Variants in RPS6KA2 observed in about 807,000 individuals in gnomAD.
The protein encoded by RPS6KA2 is ribosomal protein S6 kinase A2, also known as ribosomal protein S6 kinase alpha-2.
RPS6KA2 carries 42 observed loss-of-function variants against 91.8 expected under a neutral mutation model. The observed-to-expected ratio is 0.46, with a 90% confidence interval of 0.36 to 0.59. The LOEUF (loss-of-function observed/expected upper bound fraction) is 0.59. Among genes scored for constraint, RPS6KA2 ranks in the 20% least tolerant of loss-of-function variants. The pLI, the probability that RPS6KA2 is intolerant of heterozygous loss-of-function variation, is 0.00. For missense variants in RPS6KA2, 798 were observed against 978.5 expected (o/e 0.82, Z 2.46); for synonymous variants, 414 against 393.6 (o/e 1.05, Z -0.61).
At chr6:166,773,372 TTTTC>T (rs1462190053) in intron 2 of RPS6KA2, among the ~76,000 whole-genome samples, 1 of 144,590 alleles carries the variant, frequency 6.9e-6, no homozygotes, top group African/African-American at 2.9e-5. Context: ...TCCACTTTTC[TTTTC>T]TTTCTTTTCG....
At chr6:166,618,703 C>T (rs1353969241) in intron 1 of RPS6KA2, among the ~76,000 whole-genome samples, 1 of 152,228 alleles carries the variant, frequency 6.6e-6, no homozygotes, top group African/African-American at 2.4e-5. Flanking sequence ...ATCCAAGCTT[C>T]GGGAGGGTAG....
chr6:166,549,296 G>A (rs1022718000), intron 1 of RPS6KA2, among the ~76,000 whole-genome samples: 5 of 152,148 alleles, frequency 3.3e-5, no homozygotes, highest in African/African-American at 9.7e-5. Flanking sequence ...CCCAGCAAAC[G>A]TATTCCAGGG....
chr6:166,792,717 C>T (rs1286509556), intron 2 of RPS6KA2, among the ~76,000 whole-genome samples: 1 of 152,178 alleles, frequency 6.6e-6, no homozygotes, highest in Admixed American at 6.5e-5. Context: ...AATCAATAAA[C>T]ATAATCCATC....
intron 2 of RPS6KA2, among the ~76,000 whole-genome samples, chr6:166,659,879 TA>T (rs1160325535): frequency 4.6e-5 from 7 of 152,254 alleles, no homozygotes; most frequent in Middle Eastern, 3.4e-3. Context: ...TGGCTGGTTG[TA>T]AGAATCCAAG....
chr6:166,539,753 G>A (rs548736048), intron 1 of RPS6KA2, among the ~76,000 whole-genome samples: 1 of 152,204 alleles, frequency 6.6e-6, no homozygotes, highest in African/African-American at 2.4e-5. Flanking sequence ...TAGGCCATCT[G>A]CCCAAGTGCC....
intron 2 of RPS6KA2, among the ~76,000 whole-genome samples, chr6:166,778,594 C>T (rs1010247961): frequency 7.9e-5 from 12 of 152,160 alleles, no homozygotes; most frequent in African/African-American, 1.4e-4. Flanking sequence ...GGCGAAACCC[C>T]GTCTCTACTA....
intron 2 of RPS6KA2, among the ~76,000 whole-genome samples, chr6:166,744,545 A>G (rs1461667525): frequency 2.0e-5 from 3 of 152,194 alleles, no homozygotes; most frequent in Non-Finnish European, 4.4e-5. Context: ...ACTGCCTCAG[A>G]GGAGACTGCG....
At chr6:166,843,568 A>G (rs1337880418) in intron 2 of RPS6KA2, among the ~76,000 whole-genome samples, 2 of 152,222 alleles carry the variant, frequency 1.3e-5, no homozygotes, top group Non-Finnish European at 2.9e-5. Flanking sequence ...CACAGCTGAA[A>G]GACGTGAAGA....
In RPS6KA2 at chr6:166,490,294, C is replaced by T. The variant is rs1387508095; in HGVS notation, c.818+377G>A. 2.0e-5 allele frequency among the ~76,000 whole-genome samples: 3 copies of T among 152,090 alleles called. No homozygotes were observed. The highest frequency in any genetic ancestry group is 2.4e-5 in the African/African-American group (1 of 41,402). On this transcript the variant is annotated intron_variant, in intron 9 of 20. Coordinates refer to ENST00000265678, the MANE Select transcript of RPS6KA2 (RefSeq NM_021135.6). This position sits in a 1 kb window ranked among gnomAD's most constrained non-coding sequence, Gnocchi z 4.2. ...GCCCTGGAGGCCTTGTGTCTTTTTCCGTCTATCCTTTACTTCTGGGAGGTC... is the reference window on the plus strand; with the variant it reads ...GCCCTGGAGGCCTTGTGTCTTTTTCTGTCTATCCTTTACTTCTGGGAGGTC...
intron 8 of RPS6KA2, among the ~76,000 whole-genome samples, chr6:166,496,475 C>T (rs1007911005): frequency 2.9e-4 from 44 of 152,120 alleles, no homozygotes; most frequent in African/African-American, 1.0e-3. Flanking sequence ...TATCAAATCT[C>T]CCCTCCCCCT....
At chr6:166,775,092 T>C (rs16899435) in intron 2 of RPS6KA2, among the ~76,000 whole-genome samples, 3,194 of 152,308 alleles carry the variant, frequency 0.021, 86 homozygotes, top group African/African-American at 0.071. Flanking sequence ...CAACCAATTT[T>C]ACGATTTTAC....
chr6:166,483,943 G>C (rs553491681), intron 10 of RPS6KA2, among the ~76,000 whole-genome samples: 1 of 152,388 alleles, frequency 6.6e-6, no homozygotes, highest in Admixed American at 6.5e-5. Context: ...GACTGTGCAA[G>C]TCACTAGCAG....
In RPS6KA2 at chr6:166,587,147, TAAGG is replaced by T. The variant is rs540554899; in HGVS notation, c.99+39770_99+39773del. 9.8e-5 allele frequency among the ~76,000 whole-genome samples: 15 copies of T among 152,300 alleles called. No homozygotes were observed. The South Asian group carries it at 3.1e-3, about 32-fold the overall frequency. ...GGAACCCTGACATTAGACTAACACA[TAAGG>T]AAGAAATAATTTTTCTTTTATGAAC... On this transcript the variant is annotated intron_variant, in intron 1 of 20. Transcript: ENST00000265678.
Position 166,430,500 on chromosome 6 carries a change from C to A in RPS6KA2, c.1534G>T (p.Val512Phe), listed in dbSNP as rs1193743329. The A allele has an allele frequency of 6.2e-7, 1 of 1,614,022 alleles. No homozygotes were observed. The highest frequency in any genetic ancestry group is 1.3e-5 in the African/African-American group (1 of 74,918). ...ATGGTCTTGGTGATGGTGCACAGGA[C>A]GTCACTGGCTTCGCGCTCCGAGAAG... Reference protein sequence around the residue: ...RYFSEREASDVLCTITKTMDY... With the variant: ...RYFSEREASDFLCTITKTMDY... The change falls in exon 16 of 21, where the codon GTC becomes TTC. Residue 512 changes from valine to phenylalanine, a missense_variant. Transcript: ENST00000265678.
At chr6:166,686,166 C>T (rs1789006524) in intron 2 of RPS6KA2, among the ~76,000 whole-genome samples, 1 of 152,112 alleles carries the variant, frequency 6.6e-6, no homozygotes, top group Non-Finnish European at 1.5e-5. Context: ...ACCTAAGGGC[C>T]ATCCTATGCT....
exon 1 of RPS6KA2, chr6:166,862,366 G>A: frequency 4.2e-6 from 6 of 1,418,682 alleles, no homozygotes; most frequent in Non-Finnish European, 3.7e-6. Flanking sequence ...GCCGGCCGGA[G>A]GAGGGACCCG....
At chr6:166,627,570 C>A (rs911605643), upstream of RPS6KA2, 6 of 152,986 alleles carry the variant, frequency 3.9e-5, no homozygotes, top group African/African-American at 1.4e-4. Context: ...CCCGCCCCCA[C>A]GCGGTTCCGC....
chr6:166,724,525 T>A lies in RPS6KA2; in HGVS notation c.123+133675A>T, dbSNP rs181218608. On this transcript the variant is annotated intron_variant, in intron 2 of 21. Coordinates refer to the RPS6KA2 transcript ENST00000503859. The stretch of plus-strand genomic sequence containing the variant: ...ACATTATTTAAGGTGCATTTCTTAA[T>A]CCAAGTGGGTCATTTTTGCTTCTTC... Among the ~76,000 whole-genome samples, 312 of 152,316 alleles carry A rather than the reference T, an allele frequency of 2.0e-3. 1 individual carries two copies. The highest frequency in any genetic ancestry group is 7.2e-3 in the African/African-American group (298 of 41,572).
intron 2 of RPS6KA2, among the ~76,000 whole-genome samples, chr6:166,842,172 G>A (rs547363680): frequency 1.8e-4 from 28 of 152,286 alleles, no homozygotes; most frequent in Middle Eastern, 3.4e-3. Flanking sequence ...CCAACCGAAC[G>A]GGGGTTCCCA....
Sources: allele counts gnomAD v4.1 joint callset (sites outside exome capture counted in the v4.1 genomes callset), GRCh38; gene constraint gnomAD v4.1.1; non-coding constraint Gnocchi (gnomAD v3.1); transcripts MANE v1.5; gene names NCBI Gene and HGNC (gene_info 2026-07-23, HGNC 2026-07-21).